The following DDX60 variants were observed in gnomAD, a reference collection of about 807,000 sequenced individuals.
The protein encoded by DDX60 is probable ATP-dependent RNA helicase DDX60.
Under a neutral mutation model 212.8 loss-of-function variants are expected in DDX60, and 165 were observed. The ratio of observed to expected loss-of-function variants is 0.78; its 90% CI spans 0.68 to 0.88. The LOEUF (loss-of-function observed/expected upper bound fraction) is 0.88. Among genes scored for constraint, DDX60 ranks in the 40% least tolerant of loss-of-function variants. The pLI is 0.00. For synonymous variants in DDX60, 703 were observed against 685.3 expected (o/e 1.03, Z -0.40); for missense variants, 1,905 against 2,003.9 (o/e 0.95, Z 0.94).
intron 33 of DDX60, among the ~76,000 whole-genome samples, chr4:168,235,515 A>G (rs892176741): frequency 1.3e-5 from 2 of 152,132 alleles, no homozygotes; most frequent in African/African-American, 4.8e-5. Flanking sequence ...TAGGTCAATG[A>G]CTAAAATTGT....
chr4:168,234,367 A>G (rs1247212068), intron 33 of DDX60, among the ~76,000 whole-genome samples: 1 of 151,294 alleles, frequency 6.6e-6, no homozygotes, highest in East Asian at 1.9e-4. Context: ...CATGTGATTC[A>G]TGTTTGTTAC....
intron 33 of DDX60, among the ~76,000 whole-genome samples, chr4:168,234,240 T>C (rs960697048): frequency 8.5e-5 from 13 of 152,112 alleles, no homozygotes; most frequent in African/African-American, 3.1e-4. Context: ...CTATGGTGTG[T>C]TATCTTTAAT....
intron 9 of DDX60, among the ~76,000 whole-genome samples, chr4:168,287,551 G>A (rs1735913860): frequency 6.6e-6 from 1 of 152,122 alleles, no homozygotes; most frequent in African/African-American, 2.4e-5. Flanking sequence ...TAGTTTTTGA[G>A]AGATGAGAAA....
chr4:168,312,691 A>G (rs1004057041), intron 1 of DDX60, among the ~76,000 whole-genome samples: 2 of 127,512 alleles, frequency 1.6e-5, no homozygotes, highest in African/African-American at 6.3e-5. Flanking sequence ...TAGTAGATAG[A>G]TTGATTGATA....
At chr4:168,222,988 T>G in intron 35 of DDX60, among the ~76,000 whole-genome samples, 1 of 152,116 alleles carries the variant, frequency 6.6e-6, no homozygotes, top group East Asian at 1.9e-4. Flanking sequence ...GGCATAGCAC[T>G]GAATGTAAAT....
chr4:168,258,542 G>T (rs553871148), intron 25 of DDX60, among the ~76,000 whole-genome samples: 1 of 152,250 alleles, frequency 6.6e-6, no homozygotes, highest in South Asian at 2.1e-4. Context: ...CAGATCTCTT[G>T]ATGATCTGGG....
rs1735832931 is a variant in DDX60 at position 168,286,065 on chromosome 4, A to G, written c.1340-567T>C. 4.7e-5 allele frequency among the ~76,000 whole-genome samples: 7 copies of G among 149,242 alleles called. No individual in the cohort carries two copies. The South Asian group carries it at 1.5e-3, about 33-fold the overall frequency. On this transcript the variant is annotated intron_variant, in intron 10 of 37. Coordinates refer to ENST00000393743, the MANE Select transcript of DDX60 (RefSeq NM_017631.6). ...AAGAAAAAAGAAAAAGAAAGAAAGA[A>G]AGAAAAGCAAGCAAGCAAGCACACA...
chr4:168,220,215 GA>G (rs1733002922), intron 37 of DDX60, among the ~76,000 whole-genome samples: 3 of 152,100 alleles, frequency 2.0e-5, no homozygotes, highest in Admixed American at 6.6e-5. Flanking sequence ...GGAGCCTGGA[GA>G]AAACATCAGA....
intron 23 of DDX60, 55 bp downstream of exon 23, chr4:168,262,628 G>A (rs1189693058): frequency 7.5e-6 from 9 of 1,201,756 alleles, no homozygotes; most frequent in Non-Finnish European, 9.7e-6. Flanking sequence ...AAGGGTGAGA[G>A]TTTGTCAATA....
intron 3 of DDX60, among the ~76,000 whole-genome samples, chr4:168,308,469 A>T (rs965657103): frequency 2.0e-5 from 3 of 152,016 alleles, no homozygotes; most frequent in Non-Finnish European, 2.9e-5. Flanking sequence ...TAGTACTTGT[A>T]CCCTGCATAT....
chr4:168,253,121 A>G (rs148861483), intron 26 of DDX60, among the ~76,000 whole-genome samples: 2 of 152,112 alleles, frequency 1.3e-5, no homozygotes, highest in East Asian at 3.9e-4. Flanking sequence ...ATCTTTAATA[A>G]CTCAGTCTTC....
In DDX60 at chr4:168,274,078, C is replaced by G. The variant is rs1735221166; in HGVS notation, c.2310G>C (p.Glu770Asp). 1 of 1,614,134 alleles carries G rather than the reference C, an allele frequency of 6.2e-7. No homozygotes were observed. Among genetic ancestry groups the G allele is most frequent in the South Asian group, 1.1e-5 (1 of 91,084 alleles). ...CATTCTTATCCACAACATCAAGGAG[C>G]TCTCGCTGCAGGGTGCAGAGTACCA... ...QDFIPDTWQRELLDVVDKNES... is the reference protein window; with the variant it reads ...QDFIPDTWQRDLLDVVDKNES... The change falls in exon 17 of 38, where the codon GAG (glutamate) becomes GAC (aspartate). Residue 770 changes from glutamate to aspartate, a missense_variant. By Grantham distance (45) the Glu-to-Asp change is conservative (BLOSUM62 2). Coordinates refer to ENST00000393743, the MANE Select transcript of DDX60 (RefSeq NM_017631.6).
intron 28 of DDX60, among the ~76,000 whole-genome samples, chr4:168,250,087 A>G (rs1734161495): frequency 6.6e-6 from 1 of 152,248 alleles, no homozygotes. Context: ...GCGCACTGTC[A>G]TGGGACACAC....
chr4:168,306,530 T>C lies in DDX60; in HGVS notation c.455A>G (p.Asp152Gly), dbSNP rs1736884599. The C allele has an allele frequency of 9.9e-6, 16 of 1,614,196 alleles. No homozygotes were observed. Among genetic ancestry groups the C allele is most frequent in the East Asian group, 2.2e-5 (1 of 44,880 alleles). The change falls in exon 5 of 38, where the codon GAT (aspartate) becomes GGT (glycine). Residue 152 changes from aspartate (D) to glycine (G), a missense_variant. Asp to Gly is a moderately conservative substitution (Grantham distance 94). Coordinates refer to ENST00000393743, the MANE Select transcript of DDX60 (RefSeq NM_017631.6). ...AAAGTTGAAAAGCTGTGTTTGTAGA[T>C]CGTTCAGGCCTTCGTCTGCAACTAT... Reference protein sequence around the residue: ...FLIVADEGLNDLQTQLFNFLI... With the variant: ...FLIVADEGLNGLQTQLFNFLI...
chr4:168,304,128 T>C (rs1376276818), intron 5 of DDX60, among the ~76,000 whole-genome samples: 2 of 152,202 alleles, frequency 1.3e-5, no homozygotes, highest in African/African-American at 2.4e-5. Flanking sequence ...CTCTTTTCAC[T>C]TGTATTTTTA....
Position 168,311,274 on chromosome 4 carries a change from G to A in DDX60, c.-15C>T. 6.2e-7 allele frequency: 1 copy of A among 1,612,490 alleles called. No homozygotes were observed. The highest frequency in any genetic ancestry group is 1.1e-5 in the South Asian group (1 of 90,928). ...AAATTACCCATTCTTGCTGCTGCCT[G>A]TGCCTCCAACCTGAACTGGCAAGTA... On this transcript the variant is annotated 5_prime_UTR_variant, in exon 2 of 38. Transcript: ENST00000393743.
At chr4:168,300,921 G>A (rs946427607) in intron 6 of DDX60, among the ~76,000 whole-genome samples, 1 of 152,044 alleles carries the variant, frequency 6.6e-6, no homozygotes, top group Non-Finnish European at 1.5e-5. Context: ...CTATACGGAG[G>A]GAAATAATAG....
At chr4:168,288,420 A>G in intron 8 of DDX60, 105 bp from the exon 9 acceptor site, 7 of 773,528 alleles carry the variant, frequency 9.0e-6, no homozygotes, top group South Asian at 7.6e-5. Flanking sequence ...GGATCATTCC[A>G]ATCCTTGTTT....
chr4:168,312,422 T>C (rs1737174980), intron 1 of DDX60, among the ~76,000 whole-genome samples: 1 of 152,064 alleles, frequency 6.6e-6, no homozygotes, highest in Admixed American at 6.6e-5. Context: ...AGGCCATTGG[T>C]GTAGATGAGC....
Sources: gnomAD v4.1 joint callset for allele counts (sites outside exome capture counted in the v4.1 genomes callset) on GRCh38, gnomAD v4.1.1 for gene constraint, MANE v1.5 for transcripts, NCBI Gene and HGNC (gene_info 2026-07-23, HGNC 2026-07-21) for gene names.